SPOCK3: variants seen among roughly 807,000 people sequenced by gnomAD.
The protein encoded by SPOCK3 is testican-3.
SPOCK3 carries 30 observed loss-of-function variants against 56.6 expected under a neutral mutation model. The observed-to-expected ratio is 0.53, with a 90% CI of 0.40 to 0.72. The LOEUF (loss-of-function observed/expected upper bound fraction) is 0.72. SPOCK3 is among the 30% of genes least tolerant of loss of function. The pLI is 0.00. For synonymous variants in SPOCK3, 196 were observed against 183.3 expected (o/e 1.07, Z -0.56); for missense variants, 527 against 530.0 (o/e 0.99, Z 0.06).
chr4:166,885,879 A>T (rs1734142028), intron 6 of SPOCK3, among the ~76,000 whole-genome samples: 2 of 152,230 alleles, frequency 1.3e-5, no homozygotes, highest in African/African-American at 4.8e-5. Context: ...TGATCTTTTG[A>T]CTCTAACCAG....
intron 5 of SPOCK3, among the ~76,000 whole-genome samples, chr4:166,905,056 T>A (rs183689005): frequency 3.3e-5 from 5 of 152,140 alleles, no homozygotes; most frequent in Non-Finnish European, 4.4e-5. Context: ...CTTTTCTTTA[T>A]CCCTAGTTTG....
chr4:167,206,142 G>A (rs1734309027), intron 2 of SPOCK3, among the ~76,000 whole-genome samples: 1 of 151,862 alleles, frequency 6.6e-6, no homozygotes, highest in Non-Finnish European at 1.5e-5. Context: ...TAGCTAATGT[G>A]GTGAAATTCC....
At position 166,922,998 on chromosome 4, in the gene SPOCK3, A is replaced by G. The variant is rs144916101; in HGVS notation, c.351-10255T>C. On this transcript the variant is annotated intron_variant, in intron 4 of 10. Coordinates refer to ENST00000357545, the MANE Select transcript of SPOCK3 (RefSeq NM_001040159.2). ...CAAAAACTTGCTGATTTAAACAACGAAATTTAATCTCTCACCGTTAGGAAT... is the reference window on the plus strand; with the variant it reads ...CAAAAACTTGCTGATTTAAACAACGGAATTTAATCTCTCACCGTTAGGAAT... 8.2e-3 allele frequency among the ~76,000 whole-genome samples: 1,245 copies of G among 152,334 alleles called. 5 individuals are homozygous for G. The highest frequency in any genetic ancestry group is 0.014 in the Non-Finnish European group (964 of 68,026).
intron 7 of SPOCK3, among the ~76,000 whole-genome samples, chr4:166,788,869 A>G (rs978103230): frequency 2.0e-5 from 3 of 152,014 alleles, no homozygotes; most frequent in African/African-American, 7.2e-5. Context: ...ACATTTTTTC[A>G]TCATCAATGC....
intron 4 of SPOCK3, among the ~76,000 whole-genome samples, chr4:166,933,133 C>T (rs1739979763): frequency 6.6e-6 from 1 of 152,030 alleles, no homozygotes; most frequent in African/African-American, 2.4e-5. Context: ...GATGATACTA[C>T]AAATAACATT....
At chr4:167,095,287 C>T (rs1759054951) in intron 2 of SPOCK3, among the ~76,000 whole-genome samples, 1 of 152,078 alleles carries the variant, frequency 6.6e-6, no homozygotes, top group Admixed American at 6.6e-5. Flanking sequence ...TGTGAATCTA[C>T]ATAACTTTCA....
At chr4:167,197,752 G>A (rs1050618983) in intron 2 of SPOCK3, among the ~76,000 whole-genome samples, 3 of 152,218 alleles carry the variant, frequency 2.0e-5, no homozygotes, top group African/African-American at 2.4e-5. Context: ...TTAAGTTTGT[G>A]TTCAAAAAAT....
At chr4:167,035,956 G>A (rs1261582270) in intron 3 of SPOCK3, among the ~76,000 whole-genome samples, 1 of 152,074 alleles carries the variant, frequency 6.6e-6, no homozygotes, top group Non-Finnish European at 1.5e-5. Context: ...TTATCTTTTA[G>A]AAAAATTAAA....
At chr4:166,970,495 G>A (rs904555837) in intron 4 of SPOCK3, among the ~76,000 whole-genome samples, 16 of 152,152 alleles carry the variant, frequency 1.1e-4, no homozygotes, top group Admixed American at 5.9e-4. Context: ...AGGCTGAGGC[G>A]GGTGGATCAC....
At chr4:167,026,470 C>T (rs1054899549) in intron 3 of SPOCK3, among the ~76,000 whole-genome samples, 2 of 152,050 alleles carry the variant, frequency 1.3e-5, no homozygotes, top group African/African-American at 4.8e-5. Flanking sequence ...CTCTCTGAGA[C>T]AGAGAAGACG....
In SPOCK3 at chr4:167,009,848, A is replaced by G. The variant is rs1022738320; in HGVS notation, c.236-9385T>C. On this transcript the variant is annotated intron_variant, in intron 3 of 10. Coordinates refer to ENST00000357545, the MANE Select transcript of SPOCK3 (RefSeq NM_001040159.2). ...ATTAATTCATGTCATAAGAGAAAAT[A>G]TTTGATTAAAGATATAAAATAAATA... 1.3e-4 allele frequency among the ~76,000 whole-genome samples: 20 copies of G among 151,980 alleles called. 1 individual carries two copies. Among genetic ancestry groups the G allele is most frequent in the African/African-American group, 4.6e-4 (19 of 41,368 alleles).
chr4:166,812,477 T>C (rs6821241), intron 6 of SPOCK3, among the ~76,000 whole-genome samples: 53,321 of 151,708 alleles, frequency 0.35, 10,874 homozygotes, highest in East Asian at 0.73. Flanking sequence ...ATGTGATTCC[T>C]CTTAAGGGAA....
intron 4 of SPOCK3, among the ~76,000 whole-genome samples, chr4:166,959,113 A>T (rs560477030): frequency 3.9e-5 from 6 of 152,316 alleles, no homozygotes; most frequent in African/African-American, 1.4e-4. Flanking sequence ...AGAATGTGTG[A>T]AATGTTGTTG....
chr4:167,204,102 G>A (rs1733790292), intron 2 of SPOCK3, among the ~76,000 whole-genome samples: 2 of 151,986 alleles, frequency 1.3e-5, no homozygotes, highest in Non-Finnish European at 2.9e-5. Flanking sequence ...AAACAGGTAT[G>A]AGTGAAATTG....
intron 3 of SPOCK3, among the ~76,000 whole-genome samples, chr4:167,059,866 A>G (rs1755384474): frequency 6.6e-6 from 1 of 152,116 alleles, no homozygotes; most frequent in African/African-American, 2.4e-5. Flanking sequence ...CATGGATGAA[A>G]TTGGAAATCA....
intron 5 of SPOCK3, among the ~76,000 whole-genome samples, chr4:166,902,069 C>T (rs948100664): frequency 1.3e-5 from 2 of 152,096 alleles, no homozygotes; most frequent in Non-Finnish European, 2.9e-5. Context: ...GCTTTTGTTC[C>T]GTGCACTCTT....
intron 2 of SPOCK3, among the ~76,000 whole-genome samples, chr4:167,200,116 T>C (rs1439005565): frequency 6.6e-6 from 1 of 152,034 alleles, no homozygotes. Context: ...CCATAGATAT[T>C]ACTAAAAATA....
chr4:166,936,538 A>G (rs929704377), intron 4 of SPOCK3, among the ~76,000 whole-genome samples: 4 of 152,000 alleles, frequency 2.6e-5, no homozygotes, highest in Non-Finnish European at 5.9e-5. Flanking sequence ...GATTTTTTTA[A>G]TGTCTGTAGG....
At chr4:167,113,430 T>C (rs149134392) in intron 2 of SPOCK3, among the ~76,000 whole-genome samples, 1 of 152,014 alleles carries the variant, frequency 6.6e-6, no homozygotes, top group Admixed American at 6.6e-5. Flanking sequence ...TAAACACAAG[T>C]TTGCATAAGT....
Sources: allele counts gnomAD v4.1 joint callset (sites outside exome capture counted in the v4.1 genomes callset), GRCh38; gene constraint gnomAD v4.1.1; transcripts MANE v1.5; gene names NCBI Gene and HGNC (gene_info 2026-07-23, HGNC 2026-07-21).